CDH4: variants seen among roughly 807,000 people sequenced by gnomAD.
CDH4 encodes the protein cadherin-4.
A neutral mutation model predicts 86.0 loss-of-function variants in CDH4; 33 were observed. That is an observed-to-expected ratio of 0.38 (90% CI 0.29 to 0.51). The LOEUF (loss-of-function observed/expected upper bound fraction) is 0.51, where lower values mean the gene tolerates loss of function less well. Ranked by LOEUF, CDH4 falls within the 20% of genes least tolerant of loss-of-function variation. CDH4 has a pLI of 0.86. For synonymous variants in CDH4, 555 were observed against 549.4 expected, an observed-to-expected ratio of 1.01 and a Z score of -0.14; for missense variants, 1,114 against 1,307.4, an observed-to-expected ratio of 0.85 and a Z score of 2.28.
At chr20:61,263,866 G>A (rs774255951) in intron 2 of CDH4, among the ~76,000 whole-genome samples, 1 of 151,990 alleles carries the variant, frequency 6.6e-6, no homozygotes, top group Non-Finnish European at 1.5e-5. Context: ...CGCTTCCTCC[G>A]TCTTCAGAGC....
At chr20:61,566,070 T>C (rs543317930) in intron 2 of CDH4, among the ~76,000 whole-genome samples, 1 of 152,218 alleles carries the variant, frequency 6.6e-6, no homozygotes, top group Non-Finnish European at 1.5e-5. Flanking sequence ...TCGCTGGTCC[T>C]CTGCTTCCCT....
chr20:61,743,717 G>C lies in CDH4; in HGVS notation c.324G>C (p.Gln108His), dbSNP rs1234780855. ...VAFTVTAWDS[Q>H]TAEKWDAVVR... ...TCACGGTGACTGCATGGGACAGCCAGACAGCAGAGAAATGGGACGCCGTGG... is the reference window on the plus strand; with the variant it reads ...TCACGGTGACTGCATGGGACAGCCACACAGCAGAGAAATGGGACGCCGTGG... The change falls in exon 3 of 16, where the codon CAG becomes CAC. Residue 108 changes from glutamine (Q) to histidine (H), a missense_variant. Coordinates refer to ENST00000614565, the MANE Select transcript of CDH4 (RefSeq NM_001794.5). The C allele has an allele frequency of 6.2e-7, 1 of 1,611,304 alleles. No homozygotes were observed. The highest frequency in any genetic ancestry group is 8.5e-7 in the Non-Finnish European group (1 of 1,179,116).
intron 2 of CDH4, among the ~76,000 whole-genome samples, chr20:61,294,854 C>G (rs1219114958): frequency 6.6e-6 from 1 of 152,238 alleles, no homozygotes; most frequent in East Asian, 1.9e-4. Flanking sequence ...TGTGAGTTCA[C>G]AGGGCAGTGA....
intron 2 of CDH4, among the ~76,000 whole-genome samples, chr20:61,571,591 A>C (rs1426474729): frequency 6.6e-6 from 1 of 152,058 alleles, no homozygotes; most frequent in Non-Finnish European, 1.5e-5. Context: ...CAGGGTCCTC[A>C]CCGCCCCTGC....
chr20:61,638,888 T>G (rs931849664), intron 2 of CDH4, among the ~76,000 whole-genome samples: 12 of 151,962 alleles, frequency 7.9e-5, no homozygotes, highest in African/African-American at 2.7e-4. Flanking sequence ...TTCCGCACAG[T>G]GTAGGGTAGG....
At chr20:61,742,073 G>T (rs8118452) in intron 2 of CDH4, among the ~76,000 whole-genome samples, 9,629 of 151,780 alleles carry the variant, frequency 0.063, 439 homozygotes, top group South Asian at 0.2. Context: ...ATTTTAATTT[G>T]TTTACCATTG....
chr20:61,606,949 A>T (rs777030195), intron 2 of CDH4, among the ~76,000 whole-genome samples: 7 of 152,200 alleles, frequency 4.6e-5, no homozygotes, highest in Non-Finnish European at 1.0e-4. Flanking sequence ...ACTGGCCTGC[A>T]GGAAACTGAG....
At chr20:61,934,985 G>T (rs4925321) in intron 15 of CDH4, among the ~76,000 whole-genome samples, 1 of 152,122 alleles carries the variant, frequency 6.6e-6, no homozygotes, top group African/African-American at 2.4e-5. Flanking sequence ...CTTCGTTCCC[G>T]TCTTCCATCT....
intron 2 of CDH4, among the ~76,000 whole-genome samples, chr20:61,344,135 G>A (rs1187298533): frequency 1.3e-5 from 2 of 152,186 alleles, no homozygotes; most frequent in Non-Finnish European, 2.9e-5. Context: ...AAGCACTAAT[G>A]AGGACTGGGG....
chr20:61,889,646 A>G (rs887451699), intron 7 of CDH4, among the ~76,000 whole-genome samples: 24 of 148,668 alleles, frequency 1.6e-4, no homozygotes, highest in Non-Finnish European at 2.2e-4. Context: ...TAGGTGGATG[A>G]TGGATGGGTG....
At chr20:61,712,998 G>A (rs2087909767) in intron 2 of CDH4, among the ~76,000 whole-genome samples, 1 of 152,170 alleles carries the variant, frequency 6.6e-6, no homozygotes, top group African/African-American at 2.4e-5. Context: ...CTCGTGACTT[G>A]GCAGTTCAGA....
intron 2 of CDH4, chr20:61,717,636 C>CGT (rs2087975125): frequency 6.6e-6 from 1 of 152,146 alleles, no homozygotes; most frequent in Non-Finnish European, 1.5e-5. Context: ...TACAGGCGCA[C>CGT]ACCACCACAC....
chr20:61,887,904 C>T (rs890807434), intron 7 of CDH4, among the ~76,000 whole-genome samples: 1 of 152,104 alleles, frequency 6.6e-6, no homozygotes, highest in Non-Finnish European at 1.5e-5. Context: ...GATGGGTGGC[C>T]GAGGGGGGCC....
intron 4 of CDH4, among the ~76,000 whole-genome samples, chr20:61,842,251 T>C (rs1408855005): frequency 3.3e-5 from 5 of 152,214 alleles, no homozygotes; most frequent in Non-Finnish European, 7.3e-5. Flanking sequence ...GGCTTGGAAG[T>C]CACTGCTGCT....
chr20:61,349,967 C>T lies in CDH4; in HGVS notation c.169+95030C>T, dbSNP rs114830373. On this transcript the variant is annotated intron_variant, in intron 2 of 15. Coordinates refer to ENST00000614565, the MANE Select transcript of CDH4 (RefSeq NM_001794.5). The stretch of plus-strand genomic sequence containing the variant: ...CAGCGCCAGGAACCCAGGAATCCCT[C>T]TCCTCCTGCCCCTGCCCACTGGGAC... Among the ~76,000 whole-genome samples the T allele has an allele frequency of 2.4e-3, 372 of 152,304 alleles. 2 individuals carry two copies. Among genetic ancestry groups the T allele is most frequent in the African/African-American group, 8.6e-3 (359 of 41,566 alleles).
intron 2 of CDH4, among the ~76,000 whole-genome samples, chr20:61,664,636 T>C (rs1361155787): frequency 1.3e-5 from 2 of 152,192 alleles, no homozygotes; most frequent in Admixed American, 6.5e-5. Flanking sequence ...TTCTACTCCC[T>C]GAGATGCTTG....
intron 2 of CDH4, among the ~76,000 whole-genome samples, chr20:61,731,165 T>C (rs6142843): frequency 0.25 from 37,262 of 151,810 alleles, 4,822 homozygotes; most frequent in Non-Finnish European, 0.28. Flanking sequence ...AGTCCCCCCC[T>C]CAGCCCTCAG....
At chr20:61,692,571 C>T (rs1245079871) in intron 2 of CDH4, among the ~76,000 whole-genome samples, 17 of 152,184 alleles carry the variant, frequency 1.1e-4, no homozygotes, top group East Asian at 3.8e-4. Context: ...TTTTGTGCCA[C>T]GTTTCCTAAT....
intron 2 of CDH4, among the ~76,000 whole-genome samples, chr20:61,662,807 G>A (rs565553780): frequency 5.3e-5 from 8 of 152,292 alleles, no homozygotes; most frequent in South Asian, 2.1e-4. Flanking sequence ...GTTTCCTGCA[G>A]CACCCCAGGG....
Sources: gnomAD v4.1 joint callset for allele counts (sites outside exome capture counted in the v4.1 genomes callset) on GRCh38, gnomAD v4.1.1 for gene constraint, MANE v1.5 for transcripts, NCBI Gene and HGNC (gene_info 2026-07-23, HGNC 2026-07-21) for gene names.